Variants in NT5M observed in about 807,000 individuals in gnomAD.
NT5M encodes 5'(3')-deoxyribonucleotidase, mitochondrial.
NT5M carries 22 observed loss-of-function variants against 22.2 expected under a neutral mutation model. The ratio of observed to expected loss-of-function variants is 0.99; its 90% CI spans 0.71 to 1.41. The LOEUF (loss-of-function observed/expected upper bound fraction) is 1.41. Ranked by LOEUF, NT5M falls within the 40% of genes most tolerant of loss-of-function variation. The pLI is 0.00. For synonymous variants in NT5M, 167 were observed against 133.0 expected (o/e 1.26, Z -1.76); for missense variants, 322 against 314.8 (o/e 1.02, Z -0.17).
intron 3 of NT5M, among the ~76,000 whole-genome samples, chr17:17,343,448 C>T (rs890987867): frequency 6.6e-6 from 1 of 152,212 alleles, no homozygotes; most frequent in Non-Finnish European, 1.5e-5. Flanking sequence ...GTCTGCTCTG[C>T]AGATCCGGCC....
intron 4 of NT5M, among the ~76,000 whole-genome samples, chr17:17,346,010 C>A (rs1201122604): frequency 2.0e-5 from 3 of 152,280 alleles, no homozygotes; most frequent in Admixed American, 6.5e-5. Context: ...AGTTTCAGGT[C>A]GAGTCTTTTG....
intron 4 of NT5M, among the ~76,000 whole-genome samples, 169 bp from the exon 5 acceptor site, chr17:17,346,636 G>A (rs1243468245): frequency 2.6e-5 from 4 of 152,212 alleles, no homozygotes; most frequent in Admixed American, 2.0e-4. Context: ...GCCGCATCTC[G>A]TGCCATCCTC....
At chr17:17,312,709 A>G (rs944164317) in intron 2 of NT5M, among the ~76,000 whole-genome samples, 1 of 151,580 alleles carries the variant, frequency 6.6e-6, no homozygotes, top group Non-Finnish European at 1.5e-5. Context: ...CTGTAATCCC[A>G]TCACTTTGGG....
At chr17:17,306,273 C>T (rs1392527919) in intron 1 of NT5M, among the ~76,000 whole-genome samples, 2 of 152,228 alleles carry the variant, frequency 1.3e-5, no homozygotes, top group African/African-American at 4.8e-5. Context: ...GGCCTCAGGT[C>T]CCAGAGAGCT....
rs1050662719 is a variant in NT5M, at chr17:17,318,675, C to T, written c.369-4510C>T. 2.0e-5 allele frequency among the ~76,000 whole-genome samples: 3 copies of T among 149,054 alleles called. No homozygotes were observed. In the Admixed American group the frequency reaches 2.0e-4, roughly 10 times the overall value. ...TGGCACATACCTGTAATCCCAGCTC[C>T]TCGGAAGGCTGAGGCAGGAGAATCC... On this transcript the variant is annotated intron_variant, in intron 2 of 4. Coordinates refer to ENST00000389022, the MANE Select transcript of NT5M (RefSeq NM_020201.4).
intron 3 of NT5M, among the ~76,000 whole-genome samples, chr17:17,337,486 C>T (rs1011374869): frequency 4.0e-5 from 6 of 151,870 alleles, no homozygotes; most frequent in African/African-American, 1.5e-4. Context: ...CTCACTGCAG[C>T]CTTGACTTCC....
At chr17:17,313,456 C>G (rs1377651762) in intron 2 of NT5M, among the ~76,000 whole-genome samples, 1 of 152,138 alleles carries the variant, frequency 6.6e-6, no homozygotes, top group African/African-American at 2.4e-5. Flanking sequence ...TCAGTTTGTG[C>G]CCAGTATCTA....
intron 3 of NT5M, among the ~76,000 whole-genome samples, chr17:17,326,594 G>A (rs1044017430): frequency 3.3e-5 from 5 of 152,198 alleles, no homozygotes; most frequent in Non-Finnish European, 5.9e-5. Flanking sequence ...AGCCCAAGAC[G>A]CTGAAGCGCC....
In NT5M at chr17:17,312,330, G is replaced by A. The variant is rs564726548; in HGVS notation, c.368+5687G>A. ...TGTGACACTGCATTGGGGTAGTAAG[G>A]GATGCAGCTTTCTTCAAAAGTATTC... On this transcript the variant is annotated intron_variant, in intron 2 of 4. Coordinates refer to ENST00000389022, the MANE Select transcript of NT5M (RefSeq NM_020201.4). 3.9e-5 allele frequency among the ~76,000 whole-genome samples: 6 copies of A among 152,238 alleles called. No homozygotes were observed. The East Asian group carries it at 1.2e-3, about 29-fold the overall frequency.
rs557280975 is a variant in NT5M at position 17,309,113 on chromosome 17, C to A, written c.368+2470C>A. Among the ~76,000 whole-genome samples the A allele has an allele frequency of 1.5e-3, 215 of 147,534 alleles. 1 individual carries two copies. The highest frequency in any genetic ancestry group is 5.3e-3 in the African/African-American group (209 of 39,362). ...ATTTGTTTGAATCTTGTTTTCAATT[C>A]TTTTTCTTTCTTTCTTTTTTTTTTT... On this transcript the variant is annotated intron_variant, in intron 2 of 4. Transcript: ENST00000389022.
intron 2 of NT5M, among the ~76,000 whole-genome samples, chr17:17,313,904 C>A (rs954608681): frequency 6.6e-6 from 1 of 152,212 alleles, no homozygotes; most frequent in Non-Finnish European, 1.5e-5. Context: ...CTTTGTGGCA[C>A]GTCCTGCCCT....
At chr17:17,315,322 A>G (rs1352318612) in intron 2 of NT5M, among the ~76,000 whole-genome samples, 4 of 152,182 alleles carry the variant, frequency 2.6e-5, no homozygotes, top group African/African-American at 4.8e-5. Flanking sequence ...GGGGATATAT[A>G]TGTAAATAAC....
intron 2 of NT5M, among the ~76,000 whole-genome samples, chr17:17,307,684 C>T (rs892631373): frequency 1.6e-4 from 25 of 151,874 alleles, no homozygotes; most frequent in African/African-American, 5.8e-4. Flanking sequence ...GGTGAAACCC[C>T]GTCTCTACTA....
At position 17,323,228 on chromosome 17, in the gene NT5M, T is replaced by G. The variant is rs762850385; in HGVS notation, c.412T>G (p.Tyr138Asp). ...ICTSPIKMFK[Y>D]CPYEKYAWVE... Reference sequence around the variant, plus strand: ...CACAAGCCCCATCAAGATGTTCAAGTACTGTCCCTATGAGAAGGTAAGGCG... The same window carrying G: ...CACAAGCCCCATCAAGATGTTCAAGGACTGTCCCTATGAGAAGGTAAGGCG... Residue 138 changes from tyrosine to aspartate, a missense_variant, in exon 3 of 5, where the codon TAC (tyrosine) becomes GAC (aspartate). Tyr to Asp is a radical substitution (Grantham distance 160). Transcript: ENST00000389022. The G allele has an allele frequency of 6.2e-7, 1 of 1,613,992 alleles. No homozygotes were observed. The highest frequency in any genetic ancestry group is 1.1e-5 in the South Asian group (1 of 91,078).
chr17:17,341,224 G>A (rs1762092015), intron 3 of NT5M, among the ~76,000 whole-genome samples: 1 of 151,988 alleles, frequency 6.6e-6, no homozygotes, highest in Non-Finnish European at 1.5e-5. Context: ...AACAGTTCTA[G>A]TTGCTTTATG....
At chr17:17,328,072 G>T (rs1292176747) in intron 3 of NT5M, among the ~76,000 whole-genome samples, 1 of 152,168 alleles carries the variant, frequency 6.6e-6, no homozygotes, top group Admixed American at 6.5e-5. Context: ...TAGGGTTCGG[G>T]TATATATCAC....
intron 2 of NT5M, among the ~76,000 whole-genome samples, chr17:17,313,336 T>G (rs1320826983): frequency 2.0e-5 from 3 of 152,200 alleles, no homozygotes; most frequent in African/African-American, 7.2e-5. Context: ...TTTTCATAGC[T>G]TCTCGATTAA....
At chr17:17,318,069 C>T (rs1348838297) in intron 2 of NT5M, among the ~76,000 whole-genome samples, 10 of 150,984 alleles carry the variant, frequency 6.6e-5, no homozygotes, top group Non-Finnish European at 1.3e-4. Flanking sequence ...CAAACAAATA[C>T]TAGTACCCGA....
chr17:17,311,310 C>A (rs2048917671), intron 2 of NT5M, among the ~76,000 whole-genome samples: 1 of 150,624 alleles, frequency 6.6e-6, no homozygotes, highest in African/African-American at 2.5e-5. Context: ...TGGACTCCAG[C>A]CTGGGCCGAC....
Sources: allele counts gnomAD v4.1 joint callset (sites outside exome capture counted in the v4.1 genomes callset), GRCh38; gene constraint gnomAD v4.1.1; transcripts MANE v1.5; gene names NCBI Gene and HGNC (gene_info 2026-07-23, HGNC 2026-07-21).